Variants in TLN2 observed in about 807,000 individuals in gnomAD.
TLN2 encodes the protein talin-2.
TLN2 carries 118 observed loss-of-function variants against 294.7 expected under a neutral mutation model. The observed-to-expected ratio is 0.40, with a 90% CI of 0.34 to 0.47. The LOEUF (loss-of-function observed/expected upper bound fraction) is 0.47, where lower values mean the gene tolerates loss of function less well. TLN2 is among the 20% of genes least tolerant of loss of function. TLN2 has a pLI of 0.84. For missense variants in TLN2, 3,083 were observed against 3,282.2 expected (o/e 0.94, Z 1.48); for synonymous variants, 1,431 against 1,304.5 (o/e 1.10, Z -2.09).
intron 1 of TLN2, among the ~76,000 whole-genome samples, chr15:62,475,561 G>A (rs556144490): frequency 6.6e-6 from 1 of 152,052 alleles, no homozygotes; most frequent in Non-Finnish European, 1.5e-5. Flanking sequence ...TCTGGTCTTG[G>A]GTGGGTAAAC....
At chr15:62,705,554 G>A (rs1029098879) in intron 19 of TLN2, among the ~76,000 whole-genome samples, 4 of 152,148 alleles carry the variant, frequency 2.6e-5, no homozygotes, top group African/African-American at 9.7e-5. Flanking sequence ...TTCTAACAAA[G>A]TCCTTTAGAA....
intron 1 of TLN2, among the ~76,000 whole-genome samples, chr15:62,479,920 T>C (rs1228422376): frequency 6.6e-6 from 1 of 152,258 alleles, no homozygotes; most frequent in African/African-American, 2.4e-5. Context: ...CTTTTTCCAT[T>C]TGCTTGCCTA....
intron 54 of TLN2, among the ~76,000 whole-genome samples, chr15:62,821,767 C>A (rs1357749687): frequency 4.6e-5 from 7 of 152,156 alleles, no homozygotes; most frequent in Admixed American, 4.6e-4. Context: ...TCTTGGGTTG[C>A]CTGATATTGT....
chr15:62,468,704 C>T (rs2037281000), intron 1 of TLN2, among the ~76,000 whole-genome samples: 1 of 149,372 alleles, frequency 6.7e-6, no homozygotes, highest in South Asian at 2.1e-4. Flanking sequence ...GAGATTGCAC[C>T]ACTGCACTCC....
At chr15:62,660,897 C>T (rs11071681) in intron 9 of TLN2, among the ~76,000 whole-genome samples, 130,061 of 152,184 alleles carry the variant, frequency 0.85, 58,081 homozygotes, top group Non-Finnish European at 0.97. Flanking sequence ...CTCTGATCAT[C>T]TCAACAAAGT....
At chr15:62,447,441 C>T (rs1170254853) in intron 1 of TLN2, among the ~76,000 whole-genome samples, 1 of 151,214 alleles carries the variant, frequency 6.6e-6, no homozygotes, top group African/African-American at 2.4e-5. Flanking sequence ...ACTTCAAAAT[C>T]TCTGAGGCTC....
chr15:62,778,548 TG>T (rs1169456540), intron 43 of TLN2, among the ~76,000 whole-genome samples: 1 of 152,262 alleles, frequency 6.6e-6, no homozygotes, highest in African/African-American at 2.4e-5. Flanking sequence ...CCTAGGAAGA[TG>T]GACGTCAGAT....
intron 14 of TLN2, among the ~76,000 whole-genome samples, chr15:62,697,315 C>T (rs569529512): frequency 6.6e-6 from 1 of 152,250 alleles, no homozygotes; most frequent in East Asian, 1.9e-4. Context: ...CATTATGTTG[C>T]CCAGGCTGGT....
rs866187981 is a variant in TLN2, at chr15:62,762,341, C to T, written c.4849C>T (p.Arg1617Cys). ...TMLESSSYLI[R>C]TARSLAINPK... ...GCTGGAGAGTTCATCGTACCTCATT[C>T]GCACTGCACGCTCTCTGGCCATCAA... The change falls in exon 39 of 59, where the codon CGC becomes TGC. Residue 1617 changes from arginine to cysteine, a missense_variant. Physicochemically the swap from Arg to Cys is radical, Grantham distance 180. Transcript: ENST00000636159. 3.1e-6 allele frequency: 5 copies of T among 1,614,212 alleles called. No homozygotes were observed. Among genetic ancestry groups the T allele is most frequent in the Non-Finnish European group, 4.2e-6 (5 of 1,180,038 alleles).
intron 9 of TLN2, 76 bp downstream of exon 9, chr15:62,657,974 G>C (rs994001932): frequency 1.3e-5 from 18 of 1,418,996 alleles, no homozygotes; most frequent in East Asian, 9.3e-5. Flanking sequence ...TTTTGAGCTA[G>C]GTGTCTAAGA....
intron 1 of TLN2, among the ~76,000 whole-genome samples, chr15:62,575,838 GT>G (rs1234060662): frequency 1.3e-5 from 2 of 152,328 alleles, no homozygotes; most frequent in African/African-American, 4.8e-5. Flanking sequence ...TATTCTCCAG[GT>G]GTATGGAAAA....
At chr15:62,442,261 C>T (rs753395604) in intron 1 of TLN2, among the ~76,000 whole-genome samples, 18 of 151,644 alleles carry the variant, frequency 1.2e-4, no homozygotes, top group Admixed American at 5.3e-4. Flanking sequence ...TTGGGAAGGC[C>T]GAGGTGAGTG....
chr15:62,825,723 TATAA>T (rs1220723773), intron 54 of TLN2, among the ~76,000 whole-genome samples: 2 of 116,936 alleles, frequency 1.7e-5, no homozygotes, highest in Admixed American at 1.1e-4. Context: ...TATAAATATA[TATAA>T]AAATATATTT....
intron 28 of TLN2, among the ~76,000 whole-genome samples, chr15:62,730,061 A>ATTC (rs1555490924): frequency 1.5e-5 from 2 of 130,652 alleles, no homozygotes; most frequent in Non-Finnish European, 1.6e-5. Context: ...ATGGAGTCTC[A>ATTC]TGCTGTTGTC....
chr15:62,558,064 T>G (rs1302365589), intron 1 of TLN2, among the ~76,000 whole-genome samples: 1 of 152,210 alleles, frequency 6.6e-6, no homozygotes. Flanking sequence ...GACTTCTAAG[T>G]GGAATTATAT....
chr15:62,782,346 CCTT>C (rs2064250004), intron 44 of TLN2, among the ~76,000 whole-genome samples: 1 of 152,206 alleles, frequency 6.6e-6, no homozygotes, highest in African/African-American at 2.4e-5. Context: ...CCAGTCTTGT[CCTT>C]CTCAGGGGAG....
rs373960319 is a variant in TLN2 at position 62,802,538 on chromosome 15, G to A, written c.6477+1769G>A. On this transcript the variant is annotated intron_variant, in intron 50 of 58. Transcript: ENST00000636159. ...TGTGAATAGTGCTGCAGTAAACATG[G>A]GAGTGCAGATATCTCTTTAATAAAC... Among the ~76,000 whole-genome samples, 26 of 152,180 alleles carry A rather than the reference G, an allele frequency of 1.7e-4. No homozygotes were observed. In the South Asian group the frequency reaches 5.4e-3, roughly 32 times the overall value.
chr15:62,594,082 A>T (rs143240575), intron 2 of TLN2, among the ~76,000 whole-genome samples: 1 of 152,258 alleles, frequency 6.6e-6, no homozygotes, highest in Admixed American at 6.5e-5. Context: ...ACCTCAAAAT[A>T]TGCTACAAAG....
intron 1 of TLN2, among the ~76,000 whole-genome samples, chr15:62,480,163 TAAG>T (rs1329372829): frequency 6.6e-5 from 10 of 152,288 alleles, no homozygotes; most frequent in African/African-American, 2.2e-4. Context: ...ATGAGTGTCT[TAAG>T]AAGTGTCTGC....
Sources: gnomAD v4.1 joint callset for allele counts (sites outside exome capture counted in the v4.1 genomes callset) on GRCh38, gnomAD v4.1.1 for gene constraint, MANE v1.5 for transcripts, NCBI Gene and HGNC (gene_info 2026-07-23, HGNC 2026-07-21) for gene names.